The following PTPRA variants were observed in gnomAD, a reference collection of about 807,000 sequenced individuals.
The protein encoded by PTPRA is protein tyrosine phosphatase receptor type A, also known as receptor-type tyrosine-protein phosphatase alpha.
Under a neutral mutation model 104.8 loss-of-function variants are expected in PTPRA, and 25 were observed. That is an observed-to-expected ratio of 0.24 (90% CI 0.17 to 0.33). PTPRA has a LOEUF of 0.33. Ranked by LOEUF, PTPRA falls within the 10% of genes least tolerant of loss-of-function variation. The probability of loss-of-function intolerance (pLI) is 1.00; values close to 1 mark genes in which losing one functional copy is unlikely to be tolerated. For missense variants in PTPRA, 765 were observed against 1,015.3 expected (o/e 0.75, Z 3.35); for synonymous variants, 323 against 368.9 (o/e 0.88, Z 1.43).
chr20:2,954,591 G>A (rs900759627), intron 3 of PTPRA, among the ~76,000 whole-genome samples: 6 of 152,126 alleles, frequency 3.9e-5, no homozygotes, highest in African/African-American at 7.2e-5. Flanking sequence ...TGTATATTCT[G>A]CATTTCGGTT....
intron 12 of PTPRA, 102 bp from the exon 13 acceptor site, chr20:3,017,713 AT>A: frequency 3.2e-6 from 3 of 923,484 alleles, no homozygotes; most frequent in Non-Finnish European, 5.2e-6. Context: ...AGCTGGGGAC[AT>A]TTGGGCACAA....
At position 2,895,788 on chromosome 20, in the gene PTPRA, C is replaced by G. The variant is rs1020253367; in HGVS notation, c.-129+22028C>G. ...AAGTGATCCACCTGCCTTGGCCTTC[C>G]AAAGTGCTGGGATTACAGGTGTGAG... is the stretch of plus-strand genomic sequence containing the variant. On this transcript the variant is annotated intron_variant, in intron 1 of 23. Transcript: ENST00000399903. Among the ~76,000 whole-genome samples, 3 of 151,876 alleles carry G rather than the reference C, an allele frequency of 2.0e-5. No homozygotes were observed. In the South Asian group the frequency reaches 6.3e-4, roughly 32 times the overall value.
Position 2,988,063 on chromosome 20 carries a change from T to C in PTPRA, c.559T>C (p.Ser187Pro), listed in dbSNP as rs1173001981. 3 of 1,589,756 alleles carry C rather than the reference T, an allele frequency of 1.9e-6. No individual in the cohort carries two copies. The highest frequency in any genetic ancestry group is 1.3e-5 in the African/African-American group (1 of 74,292). The change falls in exon 8 of 24, where the codon TCC becomes CCC. Residue 187 changes from serine (S) to proline (P), a missense_variant. Coordinates refer to ENST00000399903, the MANE Select transcript of PTPRA (RefSeq NM_001385305.1). ...FKKYKQAGSH[S>P]NSFRLSNGRT... The stretch of plus-strand genomic sequence containing the variant: ...GAAATACAAGCAAGCTGGGAGCCAT[T>C]CCAATTCTTTCCGCTTATCCAACGG...
At chr20:2,952,446 T>G (rs941847034) in intron 3 of PTPRA, among the ~76,000 whole-genome samples, 1 of 152,210 alleles carries the variant, frequency 6.6e-6, no homozygotes, top group Middle Eastern at 3.2e-3. Flanking sequence ...TTGAGAGTTC[T>G]TTATATATCT....
chr20:3,002,610 A>T (rs2148273826), intron 9 of PTPRA, among the ~76,000 whole-genome samples: 1 of 152,286 alleles, frequency 6.6e-6, no homozygotes, highest in Admixed American at 6.5e-5. Context: ...TACAGGCGTG[A>T]GCCACCGCGC....
chr20:3,027,231 A>T (rs769342213), intron 19 of PTPRA, 34 bp downstream of exon 19: 2 of 1,595,902 alleles, frequency 1.3e-6, no homozygotes, highest in Non-Finnish European at 1.7e-6. Flanking sequence ...AGCCCCCAAC[A>T]CCCCGTGGAG....
At chr20:2,914,473 G>A (rs1268323350) in intron 1 of PTPRA, among the ~76,000 whole-genome samples, 1 of 151,524 alleles carries the variant, frequency 6.6e-6, no homozygotes, top group Non-Finnish European at 1.5e-5. Flanking sequence ...GTGTGTGTGT[G>A]TGTGTGTACT....
chr20:3,032,539 G>A (rs1267606479), intron 20 of PTPRA, among the ~76,000 whole-genome samples: 1 of 152,148 alleles, frequency 6.6e-6, no homozygotes, highest in East Asian at 1.9e-4. Context: ...AGGCCAAGGT[G>A]GGCGGATCAC....
At chr20:2,899,589 T>G (rs2059150587) in intron 1 of PTPRA, among the ~76,000 whole-genome samples, 1 of 152,206 alleles carries the variant, frequency 6.6e-6, no homozygotes, top group East Asian at 1.9e-4. Context: ...AGAGATGGTA[T>G]GAATGTAAAC....
At chr20:2,883,116 C>G (rs1376107415) in intron 1 of PTPRA, among the ~76,000 whole-genome samples, 1 of 151,722 alleles carries the variant, frequency 6.6e-6, no homozygotes, top group African/African-American at 2.4e-5. Flanking sequence ...TCCTGAGTAG[C>G]TGGGACTACA....
intron 13 of PTPRA, among the ~76,000 whole-genome samples, chr20:3,019,093 A>C (rs1600263045): frequency 6.2e-5 from 7 of 113,376 alleles, no homozygotes; most frequent in East Asian, 3.2e-4. Flanking sequence ...ACTTCCCAGT[A>C]GGGGCGGCCG....
At chr20:2,999,461 A>G (rs965531989) in intron 9 of PTPRA, among the ~76,000 whole-genome samples, 2 of 152,346 alleles carry the variant, frequency 1.3e-5, no homozygotes, top group East Asian at 1.9e-4. Context: ...TAAAGAGATT[A>G]TAAAATTTTA....
chr20:3,006,250 G>A (rs569512229), intron 10 of PTPRA, among the ~76,000 whole-genome samples: 7 of 152,250 alleles, frequency 4.6e-5, no homozygotes, highest in African/African-American at 1.7e-4. Flanking sequence ...GTGCAATGAT[G>A]TGATCATAGA....
intron 3 of PTPRA, among the ~76,000 whole-genome samples, chr20:2,957,864 G>C (rs1243494335): frequency 6.6e-6 from 1 of 152,132 alleles, no homozygotes; most frequent in Non-Finnish European, 1.5e-5. Flanking sequence ...GCTAAGGAAA[G>C]ACAGAAAGAC....
At chr20:2,954,681 A>T (rs945899968) in intron 3 of PTPRA, among the ~76,000 whole-genome samples, 1 of 152,094 alleles carries the variant, frequency 6.6e-6, no homozygotes, top group Non-Finnish European at 1.5e-5. Flanking sequence ...TCCTTGATTC[A>T]CAGAAGTTTT....
chr20:2,939,913 C>G (rs543696167), intron 2 of PTPRA, among the ~76,000 whole-genome samples: 5 of 152,128 alleles, frequency 3.3e-5, no homozygotes, highest in Non-Finnish European at 5.9e-5. Flanking sequence ...TCGAGACCAG[C>G]CTGGCCAACA....
At chr20:2,912,267 A>C (rs548908365) in intron 1 of PTPRA, among the ~76,000 whole-genome samples, 1 of 151,676 alleles carries the variant, frequency 6.6e-6, no homozygotes, top group Admixed American at 6.6e-5. Context: ...TTTTGAAAAT[A>C]TACAGAAGTA....
chr20:2,905,008 A>G (rs748013053), intron 1 of PTPRA, among the ~76,000 whole-genome samples: 1 of 152,214 alleles, frequency 6.6e-6, no homozygotes, highest in Non-Finnish European at 1.5e-5. Flanking sequence ...ACACAGCAGG[A>G]TATGAACTTT....
chr20:2,932,376 A>G (rs983153607), intron 2 of PTPRA, among the ~76,000 whole-genome samples: 11 of 152,220 alleles, frequency 7.2e-5, no homozygotes, highest in Non-Finnish European at 1.3e-4. Flanking sequence ...TTTAGTAGTA[A>G]TGAGGAAAAG....
Sources: allele counts gnomAD v4.1 joint callset (sites outside exome capture counted in the v4.1 genomes callset), GRCh38; gene constraint gnomAD v4.1.1; transcripts MANE v1.5; gene names NCBI Gene and HGNC (gene_info 2026-07-23, HGNC 2026-07-21).